The following KIF11 variants were observed in gnomAD, a reference collection of about 807,000 sequenced individuals.
The protein encoded by KIF11 is kinesin family member 11, also known as kinesin-like protein KIF11.
Under a neutral mutation model 121.0 loss-of-function variants are expected in KIF11, and 9 were observed. That is an observed-to-expected ratio of 0.07 (90% CI 0.04 to 0.13). The LOEUF is 0.13. Among genes scored for constraint, KIF11 ranks in the 10% least tolerant of loss-of-function variants. The pLI is 1.00. For missense variants in KIF11, 846 were observed against 1,217.5 expected (o/e 0.69, Z 4.54); for synonymous variants, 408 against 421.0 (o/e 0.97, Z 0.38).
intron 1 of KIF11, among the ~76,000 whole-genome samples, chr10:92,594,771 C>T (rs1003974107): frequency 3.3e-5 from 5 of 152,006 alleles, no homozygotes; most frequent in African/African-American, 9.7e-5. Flanking sequence ...GTTTATGATC[C>T]GTATACATTT....
At chr10:92,641,385 C>T (rs1432298362) in intron 17 of KIF11, among the ~76,000 whole-genome samples, 2 of 152,064 alleles carry the variant, frequency 1.3e-5, no homozygotes, top group South Asian at 2.1e-4. Context: ...AATTGTTTTT[C>T]TTTGTCTAAG....
Position 92,649,879 on chromosome 10 carries a change from G to T in KIF11, c.2815G>T (p.Val939Leu), listed in dbSNP as rs767983236. The change falls in exon 20 of 22, where the codon GTA becomes TTA. Residue 939 changes from valine to leucine, a missense_variant. By Grantham distance (32) the Val-to-Leu change is conservative (BLOSUM62 1). Transcript: ENST00000260731. ...AAGTTATTTATACCCATCAACACTGGTAAGAACTGAACCACGTGAACATCT... is the reference window on the plus strand; with the variant it reads ...AAGTTATTTATACCCATCAACACTGTTAAGAACTGAACCACGTGAACATCT... The part of the protein sequence containing the change: ...RKSYLYPSTL[V>L]RTEPREHLLD... 6.2e-7 allele frequency: 1 copy of T among 1,612,960 alleles called. No individual in the cohort carries two copies. The highest frequency in any genetic ancestry group is 1.1e-5 in the South Asian group (1 of 91,016).
At chr10:92,607,677 T>G (rs986570659) in intron 4 of KIF11, among the ~76,000 whole-genome samples, 2 of 152,180 alleles carry the variant, frequency 1.3e-5, no homozygotes, top group Non-Finnish European at 2.9e-5. Context: ...GCAGAAAGCA[T>G]ATACTATGTT....
At position 92,637,472 on chromosome 10, in the gene KIF11, C is replaced by T; in HGVS notation, c.2087C>T (p.Ser696Phe). Residue 696 changes from serine to phenylalanine, a missense_variant, in exon 16 of 22, where the codon TCC (serine) becomes TTC (phenylalanine). Ser to Phe is a radical substitution (Grantham distance 155). Transcript: ENST00000260731. ...GAACTACAAGAAAATACCATTTGTTCCTTGGTTGAGTCACAAAAGCAATGT... is the reference window on the plus strand; with the variant it reads ...GAACTACAAGAAAATACCATTTGTTTCTTGGTTGAGTCACAAAAGCAATGT... ...LHELQENTIC[S>F]LVESQKQCGN... 6.2e-7 allele frequency: 1 copy of T among 1,607,878 alleles called. No individual in the cohort carries two copies. Among genetic ancestry groups the T allele is most frequent in the East Asian group, 2.2e-5 (1 of 44,692 alleles).
chr10:92,606,214 T>C, intron 1 of KIF11, 51 bp from the exon 2 acceptor site: 1 of 1,491,610 alleles, frequency 6.7e-7, no homozygotes, highest in South Asian at 1.4e-5. Context: ...ATGTCATTGA[T>C]AACCTGAGAA....
rs567802207 is a variant in KIF11, at chr10:92,642,976, A to G, written c.2268-2387A>G. On this transcript the variant is annotated intron_variant, in intron 17 of 21. Coordinates refer to ENST00000260731, the MANE Select transcript of KIF11 (RefSeq NM_004523.4). Reference sequence around the variant, plus strand: ...GCCCAGGCCGGAGTACAGTGGTGCAATCTTGGCTCACTGCAACCTCTGCCT... The same window carrying G: ...GCCCAGGCCGGAGTACAGTGGTGCAGTCTTGGCTCACTGCAACCTCTGCCT... Among the ~76,000 whole-genome samples the G allele has an allele frequency of 3.9e-5, 6 of 152,298 alleles. No individual in the cohort carries two copies. In the South Asian group the frequency reaches 8.3e-4, roughly 21 times the overall value.
intron 21 of KIF11, among the ~76,000 whole-genome samples, chr10:92,651,677 C>G (rs1192859921): frequency 6.6e-6 from 1 of 151,452 alleles, no homozygotes; most frequent in Non-Finnish European, 1.5e-5. Context: ...CTCCTACCCA[C>G]TTTTTAACAC....
At chr10:92,625,644 C>T (rs1844668153) in intron 10 of KIF11, among the ~76,000 whole-genome samples, 5 of 152,064 alleles carry the variant, frequency 3.3e-5, no homozygotes, top group African/African-American at 1.2e-4. Flanking sequence ...CTACCGTGCC[C>T]CGCTGGGTGT....
intron 1 of KIF11, among the ~76,000 whole-genome samples, chr10:92,604,929 G>A (rs1364395414): frequency 6.6e-6 from 1 of 152,080 alleles, no homozygotes. Flanking sequence ...CCTACTGTGT[G>A]CTAAGCATGG....
At chr10:92,646,232 A>G (rs1844918194) in intron 18 of KIF11, among the ~76,000 whole-genome samples, 1 of 152,116 alleles carries the variant, frequency 6.6e-6, no homozygotes. Flanking sequence ...GATTACAGGC[A>G]TGAGCCACTG....
At chr10:92,623,670 G>C (rs551087164) in intron 10 of KIF11, among the ~76,000 whole-genome samples, 1 of 152,214 alleles carries the variant, frequency 6.6e-6, no homozygotes, top group South Asian at 2.1e-4. Context: ...TAAGATTGTG[G>C]GTTAGTGAAC....
chr10:92,653,937 A>T lies in KIF11; in HGVS notation c.*141A>T. 2 of 625,664 alleles carry T rather than the reference A, an allele frequency of 3.2e-6. No homozygotes were observed. The allele number at this position is 625,664 out of a possible 1,614,324, so 38.8% of individuals were successfully genotyped here. A position where few individuals can be genotyped will look rare whatever the true frequency, so the allele number is the denominator to read the frequency against. Reference sequence around the variant, plus strand: ...GGTGGCTCATGCCTGTAATCCCAGCACTTTGGGAGGCTGAGGCGGGTGGAT... The same window carrying T: ...GGTGGCTCATGCCTGTAATCCCAGCTCTTTGGGAGGCTGAGGCGGGTGGAT... On this transcript the variant is annotated 3_prime_UTR_variant, in exon 22 of 22. Transcript: ENST00000260731.
chr10:92,651,281 G>A (rs550326212), intron 21 of KIF11, among the ~76,000 whole-genome samples: 7 of 152,004 alleles, frequency 4.6e-5, no homozygotes, highest in Middle Eastern at 6.8e-3. Flanking sequence ...ACCCTCCTCG[G>A]CCTCCCAAAG....
rs1455412642 is a variant in KIF11, at chr10:92,620,873, C to T, written c.1129-512C>T. ...CAGTCATCTCCCACCAGGTCCCTCC[C>T]GCAACGCGTGGGAATTATGGGAGCT... On this transcript the variant is annotated intron_variant, in intron 9 of 21. Transcript: ENST00000260731. 5.3e-5 allele frequency among the ~76,000 whole-genome samples: 8 copies of T among 152,208 alleles called. No homozygotes were observed. The East Asian group carries it at 7.7e-4, about 15-fold the overall frequency.
At chr10:92,642,218 G>C (rs1844872325) in intron 17 of KIF11, among the ~76,000 whole-genome samples, 2 of 151,962 alleles carry the variant, frequency 1.3e-5, no homozygotes, top group Admixed American at 1.3e-4. Context: ...ATTGTACCTT[G>C]AAGATTTTGG....
rs1844483762 is a variant in KIF11 at position 92,610,497 on chromosome 10, C to T, written c.698+988C>T. Among the ~76,000 whole-genome samples, 3 of 152,048 alleles carry T rather than the reference C, an allele frequency of 2.0e-5. No homozygotes were observed. The South Asian group carries it at 6.2e-4, about 32-fold the overall frequency. ...TGTAAAGACCCGTACAGGACAAATT[C>T]CAAATTCTACAGATATAGTTTACTA... On this transcript the variant is annotated intron_variant, in intron 6 of 21. Coordinates refer to ENST00000260731, the MANE Select transcript of KIF11 (RefSeq NM_004523.4).
Position 92,613,140 on chromosome 10 carries a change from C to T in KIF11, c.789+10C>T. ...CGGAAAGTTGAACTTGGTAAGCATCCACCTTAATACTACTGTTTCACTCTT... is the reference window on the plus strand; with the variant it reads ...CGGAAAGTTGAACTTGGTAAGCATCTACCTTAATACTACTGTTTCACTCTT... On this transcript the variant is annotated intron_variant, in intron 7 of 21. Transcript: ENST00000260731. This position sits in a 1 kb window ranked among gnomAD's most constrained non-coding sequence, Gnocchi z 4.2. 1 of 1,574,798 alleles carries T rather than the reference C, an allele frequency of 6.4e-7. No homozygotes were observed. Among genetic ancestry groups the T allele is most frequent in the Non-Finnish European group, 8.7e-7 (1 of 1,146,308 alleles).
chr10:92,622,473 G>A (rs939912453), intron 10 of KIF11, among the ~76,000 whole-genome samples: 1 of 151,144 alleles, frequency 6.6e-6, no homozygotes, highest in African/African-American at 2.4e-5. Flanking sequence ...AAATTAGCCA[G>A]GCATGGTGGC....
At chr10:92,641,951 GT>G (rs1055223761) in intron 17 of KIF11, among the ~76,000 whole-genome samples, 1 of 152,014 alleles carries the variant, frequency 6.6e-6, no homozygotes, top group African/African-American at 2.4e-5. Context: ...TCAATGAGGT[GT>G]TTTTTCAGTT....
Sources: gnomAD v4.1 joint callset for allele counts (sites outside exome capture counted in the v4.1 genomes callset) on GRCh38, gnomAD v4.1.1 for gene constraint, Gnocchi (gnomAD v3.1) non-coding constraint, MANE v1.5 for transcripts, NCBI Gene and HGNC (gene_info 2026-07-23, HGNC 2026-07-21) for gene names.